EMILIN2: variants seen among roughly 807,000 people sequenced by gnomAD.
EMILIN2 encodes elastin microfibril interfacer 2, also known as EMILIN-2.
EMILIN2 carries 71 observed loss-of-function variants against 87.1 expected under a neutral mutation model. The ratio of observed to expected loss-of-function variants is 0.82; its 90% CI spans 0.67 to 0.99. EMILIN2 has a LOEUF of 0.99. Among genes scored for constraint, EMILIN2 ranks in the 50% least tolerant of loss-of-function variants. The pLI, the probability that EMILIN2 is intolerant of heterozygous loss-of-function variation, is 0.00. For synonymous variants in EMILIN2, 581 were observed against 563.4 expected (o/e 1.03, Z -0.44); for missense variants, 1,407 against 1,371.8 (o/e 1.03, Z -0.40).
intron 3 of EMILIN2, among the ~76,000 whole-genome samples, chr18:2,888,725 A>AC (rs2076815851): frequency 6.6e-6 from 1 of 151,630 alleles, no homozygotes; most frequent in Non-Finnish European, 1.5e-5. Flanking sequence ...AAAAAAAAAA[A>AC]AAAAAAGAGA....
Position 2,858,581 on chromosome 18 carries a change from G to GTATATATATATA in EMILIN2, c.257+10651_257+10652insATATATATATAT, listed in dbSNP as rs1416903980. Among the ~76,000 whole-genome samples, 32 of 64,788 alleles carry GTATATATATATA rather than the reference G, an allele frequency of 4.9e-4. 2 individuals are homozygous for GTATATATATATA. The highest frequency in any genetic ancestry group is 3.4e-3 in the South Asian group (6 of 1,790). The allele number at this position is 64,788 out of a possible 152,430, so 42.5% of individuals were successfully genotyped here. A position where few individuals can be genotyped will look rare whatever the true frequency, so the allele number is the denominator to read the frequency against. On this transcript the variant is annotated intron_variant, in intron 2 of 7. Coordinates refer to ENST00000254528, the MANE Select transcript of EMILIN2 (RefSeq NM_032048.3). ...TATATATATATATATGTGTGTGTGT[G>GTATATATATATA]TGTATATATATATATATATATGTGT...
rs2076829701 is a variant in EMILIN2, at chr18:2,890,605, C to T, written c.478C>T (p.Pro160Ser). Residue 160 changes from proline to serine, a missense_variant, in exon 4 of 8, where the codon CCA (proline) becomes TCA (serine). By Grantham distance (74) the Pro-to-Ser change is moderately conservative (BLOSUM62 -1). Transcript: ENST00000254528. The surrounding 1 kb of genome is among the most constrained non-coding windows in gnomAD (Gnocchi z 4.7). ...CTCAGAGCCCAGGAAGACTTTGTCC[C>T]CAACTGGTACAGCACAACCAAGCTG... is the stretch of plus-strand genomic sequence containing the variant. ...QFSEPRKTLS[P>S]TGTAQPSWGV... The T allele has an allele frequency of 1.9e-6, 3 of 1,598,692 alleles. No homozygotes were observed. The highest frequency in any genetic ancestry group is 2.2e-5 in the East Asian group (1 of 44,484).
chr18:2,870,874 T>C (rs1215975146), intron 2 of EMILIN2, among the ~76,000 whole-genome samples: 1 of 152,222 alleles, frequency 6.6e-6, no homozygotes, highest in Non-Finnish European at 1.5e-5. Context: ...GTCCGTCTTC[T>C]CCCTGTGTCT....
chr18:2,905,221 A>G (rs1486145463), intron 4 of EMILIN2, among the ~76,000 whole-genome samples: 1 of 126,078 alleles, frequency 7.9e-6, no homozygotes, highest in Non-Finnish European at 1.6e-5. Context: ...GGCTTCTCTC[A>G]TGGAACATTG....
intron 2 of EMILIN2, among the ~76,000 whole-genome samples, chr18:2,871,136 G>A (rs192712985): frequency 2.0e-3 from 308 of 152,238 alleles, no homozygotes; most frequent in Middle Eastern, 0.01. Flanking sequence ...TCTTTCTGGG[G>A]GGCACACAAT....
chr18:2,897,335 C>T (rs1207781413), intron 4 of EMILIN2, among the ~76,000 whole-genome samples: 3 of 152,094 alleles, frequency 2.0e-5, no homozygotes, highest in Non-Finnish European at 4.4e-5. Flanking sequence ...TTACTTAAAC[C>T]CTCCATACCC....
intron 2 of EMILIN2, among the ~76,000 whole-genome samples, chr18:2,869,043 G>A (rs2076705993): frequency 6.6e-6 from 1 of 151,086 alleles, no homozygotes; most frequent in African/African-American, 2.4e-5. Context: ...TTAGACCTGA[G>A]TTCTCTATAG....
chr18:2,892,020 TTGTAGAGCAGG>T lies in EMILIN2; in HGVS notation c.1896_1906del (p.Cys632Ter). On this transcript the variant is annotated frameshift_variant, in exon 4 of 8. Coordinates refer to ENST00000254528, the MANE Select transcript of EMILIN2 (RefSeq NM_032048.3). LOFTEE classifies it high-confidence loss of function. ...CTCATCTTCAAAAGGAAATGAGCAA[TTGTAGAGCAGG>T]TGAAAACGCTGGCATGGGTAGGTTC... 1 of 1,614,138 alleles carries T rather than the reference TTGTAGAGCAGG, an allele frequency of 6.2e-7. No individual in the cohort carries two copies. Among genetic ancestry groups the T allele is most frequent in the Non-Finnish European group, 8.5e-7 (1 of 1,180,026 alleles).
At chr18:2,881,524 A>G (rs2076776633) in intron 2 of EMILIN2, among the ~76,000 whole-genome samples, 1 of 152,208 alleles carries the variant, frequency 6.6e-6, no homozygotes, top group Non-Finnish European at 1.5e-5. Flanking sequence ...TTGGCACAGC[A>G]AGGCCTTTCT....
At chr18:2,887,504 C>T (rs78207425) in intron 3 of EMILIN2, among the ~76,000 whole-genome samples, 1 of 151,696 alleles carries the variant, frequency 6.6e-6, no homozygotes, top group African/African-American at 2.4e-5. Context: ...TGTTAGTACA[C>T]GAGAGCTGGT....
chr18:2,912,463 T>A (rs2076946001), intron 7 of EMILIN2, among the ~76,000 whole-genome samples: 1 of 152,188 alleles, frequency 6.6e-6, no homozygotes, highest in Non-Finnish European at 1.5e-5. Flanking sequence ...CGGCATTTGG[T>A]GTTGGCACTG....
rs1392330320 is a variant in EMILIN2 at position 2,886,626 on chromosome 18, T to TTCC, written c.433+1487_433+1488insTCC. On this transcript the variant is annotated intron_variant, in intron 3 of 7. Transcript: ENST00000254528. Reference sequence around the variant, plus strand: ...TTCCATACAGTTAGACCATATTCTTTATTTACTCAGTATTCAGTGTTTACA... The same window carrying TTCC: ...TTCCATACAGTTAGACCATATTCTTTTCCATTTACTCAGTATTCAGTGTTTACA... Among the ~76,000 whole-genome samples the TTCC allele has an allele frequency of 4.6e-5, 7 of 152,340 alleles. No homozygotes were observed. In the South Asian group the frequency reaches 1.2e-3, roughly 27 times the overall value.
chr18:2,893,645 A>C (rs1179733341), intron 4 of EMILIN2, among the ~76,000 whole-genome samples: 4 of 152,246 alleles, frequency 2.6e-5, no homozygotes, highest in Non-Finnish European at 5.9e-5. Flanking sequence ...AGCCTCCGAC[A>C]TAAGCTAGCC....
chr18:2,906,276 C>G (rs2076911781), intron 4 of EMILIN2: 1 of 152,648 alleles, frequency 6.6e-6, no homozygotes, highest in Non-Finnish European at 1.5e-5. Flanking sequence ...GACGTGGGCG[C>G]TGTGGCCGCG....
In EMILIN2 at chr18:2,913,331, C is replaced by T. The variant is rs2076951577; in HGVS notation, c.3089C>T (p.Ala1030Val). ...GTCGTGGTGACTGGGGGCAAGCTGGCTCACACAGACTTTGATGAAATGTAC... is the reference window on the plus strand; with the variant it reads ...GTCGTGGTGACTGGGGGCAAGCTGGTTCACACAGACTTTGATGAAATGTAC... The part of the protein sequence containing the change: ...VNVVVTGGKL[A>V]HTDFDEMYST... Residue 1030 changes from alanine to valine, a missense_variant, in exon 8 of 8, where the codon GCT (alanine) becomes GTT (valine). Transcript: ENST00000254528. 21 of 1,612,818 alleles carry T rather than the reference C, an allele frequency of 1.3e-5. No individual in the cohort carries two copies. Among genetic ancestry groups the T allele is most frequent in the Non-Finnish European group, 1.8e-5 (21 of 1,179,278 alleles).
In EMILIN2 at chr18:2,881,382, G is replaced by T. The variant is rs16943970; in HGVS notation, c.258-3582G>T. On this transcript the variant is annotated intron_variant, in intron 2 of 7. Coordinates refer to ENST00000254528, the MANE Select transcript of EMILIN2 (RefSeq NM_032048.3). ...AAACTCAACAGCAGGCAGATTAGAC[G>T]CGGAGCAGGAGTGGGGAACATGTGT... 3.3e-3 allele frequency among the ~76,000 whole-genome samples: 500 copies of T among 152,336 alleles called. 3 individuals carry two copies. Among genetic ancestry groups the T allele is most frequent in the African/African-American group, 0.011 (469 of 41,572 alleles).
At chr18:2,863,662 G>A (rs1381136102) in intron 2 of EMILIN2, among the ~76,000 whole-genome samples, 2 of 150,302 alleles carry the variant, frequency 1.3e-5, no homozygotes, top group African/African-American at 4.8e-5. Flanking sequence ...TTTTGGAATA[G>A]GTGTGATGTG....
chr18:2,888,730 A>AAAG (rs1176869318), intron 3 of EMILIN2, among the ~76,000 whole-genome samples: 1 of 149,020 alleles, frequency 6.7e-6, no homozygotes, highest in African/African-American at 2.5e-5. Context: ...AAAAAAAAAA[A>AAAG]AGAGAGAGAG....
chr18:2,880,961 CT>C lies in EMILIN2; in HGVS notation c.258-4002del, dbSNP rs1458410267. On this transcript the variant is annotated intron_variant, in intron 2 of 7. Coordinates refer to ENST00000254528, the MANE Select transcript of EMILIN2 (RefSeq NM_032048.3). This position sits in a 1 kb window ranked among gnomAD's most constrained non-coding sequence, Gnocchi z 4.1. ...ATTCCTTGGCATTTTCTAAAGCTCA[CT>C]AGCTATTTTCCTGCAGTGCCTTGGG... Among the ~76,000 whole-genome samples the C allele has an allele frequency of 6.6e-6, 1 of 152,210 alleles. No homozygotes were observed. Among genetic ancestry groups the C allele is most frequent in the Non-Finnish European group, 1.5e-5 (1 of 68,042 alleles).
Sources: gnomAD v4.1 joint callset for allele counts (sites outside exome capture counted in the v4.1 genomes callset) on GRCh38, gnomAD v4.1.1 for gene constraint, Gnocchi (gnomAD v3.1) non-coding constraint, MANE v1.5 for transcripts, NCBI Gene and HGNC (gene_info 2026-07-23, HGNC 2026-07-21) for gene names.